TBP: variants seen among roughly 807,000 people sequenced by gnomAD.
TBP encodes the protein TATA-box binding protein.
A neutral mutation model predicts 46.2 loss-of-function variants in TBP; 12 were observed. The observed-to-expected ratio is 0.26, with a 90% CI of 0.17 to 0.42. The LOEUF (loss-of-function observed/expected upper bound fraction) is 0.42, where lower values mean the gene tolerates loss of function less well. Among genes scored for constraint, TBP ranks in the 10% least tolerant of loss-of-function variants. TBP has a pLI of 1.00. For missense variants in TBP, 229 were observed against 403.1 expected, an observed-to-expected ratio of 0.57 and a Z score of 3.70; for synonymous variants, 157 against 148.3, an observed-to-expected ratio of 1.06 and a Z score of -0.42.
rs769275781 is a variant in TBP at position 170,566,871 on chromosome 6, G to A, written c.586-47G>A. On this transcript the variant is annotated intron_variant, in intron 4 of 7. Transcript: ENST00000392092. ...AATGGGTGGTTCGCCTAACAACATT[G>A]AGCAGTTTGGCATGACCTCACTAAT... is the stretch of plus-strand genomic sequence containing the variant. 7 of 1,566,580 alleles carry A rather than the reference G, an allele frequency of 4.5e-6. No individual in the cohort carries two copies. In the African/African-American group the frequency reaches 5.4e-5, roughly 12 times the overall value.
At chr6:170,557,939 A>T (rs1315741794) in intron 2 of TBP, among the ~76,000 whole-genome samples, 1 of 152,074 alleles carries the variant, frequency 6.6e-6, no homozygotes, top group African/African-American at 2.4e-5. Context: ...AATGCTGAAG[A>T]TTAGTTTTGT....
At chr6:170,567,050 A>G in intron 5 of TBP, 41 bp downstream of exon 5, 1 of 1,543,364 alleles carries the variant, frequency 6.5e-7, no homozygotes, top group East Asian at 2.3e-5. Context: ...ATGGGTTATG[A>G]ATGAAAAGGT....
intron 2 of TBP, among the ~76,000 whole-genome samples, chr6:170,561,485 T>C (rs960208825): frequency 5.3e-5 from 8 of 152,208 alleles, no homozygotes; most frequent in Non-Finnish European, 1.0e-4. Context: ...GTATGTATTA[T>C]AGTTATTTTT....
At chr6:170,557,172 C>T in intron 2 of TBP, 89 bp downstream of exon 2, 1 of 1,284,624 alleles carries the variant, frequency 7.8e-7, no homozygotes, top group Non-Finnish European at 1.1e-6. Flanking sequence ...ATTTAATGAT[C>T]TGTTTTTGAA....
intron 2 of TBP, among the ~76,000 whole-genome samples, chr6:170,557,735 C>CAAAAAAAAAA (rs35269766): frequency 7.7e-5 from 4 of 51,986 alleles, no homozygotes; most frequent in East Asian, 1.1e-3. Flanking sequence ...GACTCTGTCT[C>CAAAAAAAAAA]AAAAAAAAAA....
chr6:170,571,469 T>C lies in TBP; in HGVS notation c.905T>C (p.Leu302Pro). The change falls in exon 7 of 8, where the codon CTC becomes CCC. Residue 302 changes from leucine to proline, a missense_variant. By Grantham distance (98) the Leu-to-Pro change is moderately conservative (BLOSUM62 -3). This residue lies in a region of TBP where 44 missense variants were observed against 54.1 expected (regional missense o/e 0.81). Coordinates refer to ENST00000392092, the MANE Select transcript of TBP (RefSeq NM_003194.5). ...AGAATGATCAAACCCAGAATTGTTC[T>C]CCTTATTTTTGTTTCTGGAAAAGTT... ...IYRMIKPRIV[L>P]LIFVSGKVVL... 6.2e-7 allele frequency: 1 copy of C among 1,614,018 alleles called. No individual in the cohort carries two copies. The highest frequency in any genetic ancestry group is 8.5e-7 in the Non-Finnish European group (1 of 1,179,924).
At chr6:170,562,406 C>T (rs1219631090) in intron 3 of TBP, among the ~76,000 whole-genome samples, 173 bp downstream of exon 3, 3 of 152,180 alleles carry the variant, frequency 2.0e-5, no homozygotes, top group Non-Finnish European at 4.4e-5. Context: ...CTATCTTAGT[C>T]AGTGTCCTCA....
At chr6:170,565,273 T>A (rs1185762130) in intron 4 of TBP, among the ~76,000 whole-genome samples, 1 of 152,248 alleles carries the variant, frequency 6.6e-6, no homozygotes. Flanking sequence ...GTCTGTGATA[T>A]AAGAATCCCT....
chr6:170,564,836 C>T (rs1295500322), intron 4 of TBP, among the ~76,000 whole-genome samples: 1 of 149,628 alleles, frequency 6.7e-6, no homozygotes, highest in Non-Finnish European at 1.5e-5. Flanking sequence ...GCCCAGGCAA[C>T]ATGGCAAGAC....
Position 170,562,086 on chromosome 6 carries a change from A to G in TBP, c.350A>G (p.Gln117Arg). ...CAGGCAACACAGGGAACCTCAGGCC[A>G]GGCACCACAGCTCTTCCACTCACAG... Reference protein sequence around the residue: ...SQQATQGTSGQAPQLFHSQTL... With the variant: ...SQQATQGTSGRAPQLFHSQTL... The change falls in exon 3 of 8, where the codon CAG becomes CGG. Residue 117 changes from glutamine (Q) to arginine (R), a missense_variant. Physicochemically the swap from Gln to Arg is conservative, Grantham distance 43. Coordinates refer to ENST00000392092, the MANE Select transcript of TBP (RefSeq NM_003194.5). The G allele has an allele frequency of 1.9e-6, 3 of 1,614,112 alleles. No homozygotes were observed. Among genetic ancestry groups the G allele is most frequent in the Non-Finnish European group, 1.7e-6 (2 of 1,180,022 alleles).
chr6:170,556,442 A>G (rs1223516564), intron 1 of TBP, among the ~76,000 whole-genome samples: 1 of 151,716 alleles, frequency 6.6e-6, no homozygotes, highest in Non-Finnish European at 1.5e-5. Context: ...TGAATTTGAT[A>G]TTTACTTAAT....
At chr6:170,566,678 C>T (rs951739192) in intron 4 of TBP, among the ~76,000 whole-genome samples, 2 of 152,188 alleles carry the variant, frequency 1.3e-5, no homozygotes, top group Admixed American at 1.3e-4. Flanking sequence ...AAAGAACATA[C>T]AGATTTGGTA....
chr6:170,561,766 C>T lies in TBP; in HGVS notation c.55-25C>T, dbSNP rs1230015259. 5 of 1,599,718 alleles carry T rather than the reference C, an allele frequency of 3.1e-6. No individual in the cohort carries two copies. In the South Asian group the frequency reaches 5.6e-5, roughly 18 times the overall value. ...AACACTTAGCAGCAGCCAGCCTAACCTGTTTTTCTCCTTGCTTTCCACAGG... is the reference window on the plus strand; with the variant it reads ...AACACTTAGCAGCAGCCAGCCTAACTTGTTTTTCTCCTTGCTTTCCACAGG... On this transcript the variant is annotated intron_variant, in intron 2 of 7. Coordinates refer to ENST00000392092, the MANE Select transcript of TBP (RefSeq NM_003194.5).
intron 3 of TBP, among the ~76,000 whole-genome samples, chr6:170,563,514 C>A (rs1294849987): frequency 1.3e-5 from 2 of 152,072 alleles, no homozygotes; most frequent in Non-Finnish European, 2.9e-5. Flanking sequence ...TGGTATAGTT[C>A]ATAAGTGGAC....
intron 1 of TBP, among the ~76,000 whole-genome samples, chr6:170,555,869 C>G (rs1342193886): frequency 6.6e-6 from 1 of 152,126 alleles, no homozygotes; most frequent in Admixed American, 6.5e-5. Context: ...ACTTTGATGC[C>G]AAGGACTATA....
At chr6:170,556,760 G>A in intron 1 of TBP, 122 bp from the exon 2 acceptor site, 1 of 327,820 alleles carries the variant, frequency 3.1e-6, no homozygotes, top group Non-Finnish European at 5.5e-6. Context: ...AAAAACAAAT[G>A]TATTCCAAAA....
chr6:170,559,118 A>G (rs1779091557), intron 2 of TBP, among the ~76,000 whole-genome samples: 1 of 152,142 alleles, frequency 6.6e-6, no homozygotes, highest in African/African-American at 2.4e-5. Flanking sequence ...GTGACCAACC[A>G]TTCCCCCATC....
intron 1 of TBP, among the ~76,000 whole-genome samples, chr6:170,555,080 C>T (rs1381283941): frequency 6.6e-6 from 1 of 152,168 alleles, no homozygotes; most frequent in Non-Finnish European, 1.5e-5. Flanking sequence ...CAAAAAATAT[C>T]GGATTTGATG....
chr6:170,562,269 G>A, intron 3 of TBP, 36 bp downstream of exon 3: 7 of 1,588,690 alleles, frequency 4.4e-6, no homozygotes, highest in Non-Finnish European at 5.2e-6. Flanking sequence ...CTCCCACTTA[G>A]GAGTCCCTTT....
Sources: allele counts gnomAD v4.1 joint callset (sites outside exome capture counted in the v4.1 genomes callset), GRCh38; gene constraint gnomAD v4.1.1; regional missense constraint gnomAD v4.1.1; transcripts MANE v1.5; gene names NCBI Gene and HGNC (gene_info 2026-07-23, HGNC 2026-07-21).